Variants in TRRAP observed in about 807,000 individuals in gnomAD.
TRRAP encodes the protein transformation/transcription domain associated protein.
TRRAP carries 41 observed loss-of-function variants against 438.8 expected under a neutral mutation model. That is an observed-to-expected ratio of 0.09 (90% confidence interval 0.07 to 0.12). The LOEUF (loss-of-function observed/expected upper bound fraction) is 0.12. Among genes scored for constraint, TRRAP ranks in the 10% least tolerant of loss-of-function variants. The probability of loss-of-function intolerance (pLI) is 1.00; values close to 1 mark genes in which losing one functional copy is unlikely to be tolerated. For synonymous variants in TRRAP, 1,994 were observed against 1,962.9 expected (o/e 1.02, Z -0.42); for missense variants, 3,122 against 5,055.1 (o/e 0.62, Z 11.60).
At chr7:98,999,085 G>A (rs1165496176) in intron 67 of TRRAP, 15 of 1,218,734 alleles carry the variant, frequency 1.2e-5, no homozygotes, top group South Asian at 3.0e-5. Context: ...CTCTGCTTCC[G>A]CTGGCTCTTT....
intron 44 of TRRAP, among the ~76,000 whole-genome samples, chr7:98,958,985 T>A (rs1293138086): frequency 6.6e-6 from 1 of 152,152 alleles, no homozygotes; most frequent in Admixed American, 6.5e-5. Flanking sequence ...AAATAGTATA[T>A]CTTACAGTTC....
At position 98,961,334 on chromosome 7, in the gene TRRAP, T is replaced by C; in HGVS notation, c.6563T>C (p.Leu2188Pro). 1 of 1,614,222 alleles carries C rather than the reference T, an allele frequency of 6.2e-7. No homozygotes were observed. Among genetic ancestry groups the C allele is most frequent in the Non-Finnish European group, 8.5e-7 (1 of 1,180,036 alleles). ...LEVLSFLLTV[L>P]QSPAILSSFK... is the part of the protein sequence containing the mutation. ...GTGCTGAGCTTCCTGCTAACTGTCC[T>C]CCAGTCCCCAGCCATCCTCAGTAGC... is the stretch of plus-strand genomic sequence containing the variant. Residue 2188 changes from leucine to proline, a missense_variant, in exon 46 of 73, where the codon CTC (leucine) becomes CCC (proline). By Grantham distance (98) the Leu-to-Pro change is moderately conservative. This residue lies in a region of TRRAP where 992 missense variants were observed against 1,281.2 expected (regional missense o/e 0.77). Transcript: ENST00000456197.
At chr7:98,979,652 G>C (rs957757216) in intron 58 of TRRAP, among the ~76,000 whole-genome samples, 1 of 152,072 alleles carries the variant, frequency 6.6e-6, no homozygotes, top group African/African-American at 2.4e-5. Flanking sequence ...TCACCTTAAC[G>C]TTCCCTTCTT....
Position 98,976,474 on chromosome 7 carries a change from T to C in TRRAP, c.7960-9T>C, listed in dbSNP as rs762097600. The C allele has an allele frequency of 3.1e-6, 5 of 1,603,916 alleles. No individual in the cohort carries two copies. Among genetic ancestry groups the C allele is most frequent in the African/African-American group, 1.3e-5 (1 of 74,978 alleles). ...ATGAAGGCCTAAATGACATGTGCTT[T>C]GGTTTCAGGCACTCGCGGGTGAGAT... On this transcript the variant is annotated splice_polypyrimidine_tract_variant and intron_variant, in intron 54 of 72. Coordinates refer to ENST00000456197, the MANE Select transcript of TRRAP (RefSeq NM_001375524.1). This position sits in a 1 kb window ranked among gnomAD's most constrained non-coding sequence, Gnocchi z 4.6.
At chr7:98,922,196 C>G (rs560505075) in intron 21 of TRRAP, among the ~76,000 whole-genome samples, 1 of 152,250 alleles carries the variant, frequency 6.6e-6, no homozygotes, top group East Asian at 1.9e-4. Flanking sequence ...AGATGCCAGC[C>G]CATCCCGCCG....
intron 67 of TRRAP, among the ~76,000 whole-genome samples, chr7:99,002,963 C>T (rs1175039040): frequency 6.6e-6 from 1 of 152,186 alleles, no homozygotes; most frequent in Non-Finnish European, 1.5e-5. Context: ...TCCTATACCA[C>T]GGGTTAGAAA....
In TRRAP at chr7:99,011,400, C is replaced by T. The variant is rs763276038; in HGVS notation, c.11202C>T (p.Asp3734=). 6.2e-7 allele frequency: 1 copy of T among 1,614,266 alleles called. No homozygotes were observed. Among genetic ancestry groups the T allele is most frequent in the Non-Finnish European group, 8.5e-7 (1 of 1,180,046 alleles). ...FRFDINDATG[D]LDANRPVPFR... is the part of the protein sequence containing the mutation. Reference sequence around the variant, plus strand: ...TTGACATAAACGACGCGACTGGAGACCTGGATGCCAACCGTCCTGTCCCAT... The same window carrying T: ...TTGACATAAACGACGCGACTGGAGATCTGGATGCCAACCGTCCTGTCCCAT... The change falls in exon 72 of 73, where the codon GAC becomes GAT. Residue 3734 remains aspartate, a synonymous_variant. Coordinates refer to ENST00000456197, the MANE Select transcript of TRRAP (RefSeq NM_001375524.1). The surrounding 1 kb of genome is among the most constrained non-coding windows in gnomAD (Gnocchi z 7.1).
At chr7:98,964,865 G>A in intron 48 of TRRAP, 90 bp downstream of exon 48, 3 of 1,425,276 alleles carry the variant, frequency 2.1e-6, no homozygotes, top group Non-Finnish European at 2.8e-6. Context: ...ACTCTAAAGG[G>A]AATGTGCATT....
At chr7:98,934,771 A>G (rs1036413025) in intron 27 of TRRAP, among the ~76,000 whole-genome samples, 25 of 152,170 alleles carry the variant, frequency 1.6e-4, no homozygotes, top group Non-Finnish European at 3.5e-4. Flanking sequence ...ACCTGCACGC[A>G]TATATACACG....
chr7:98,994,374 A>C lies in TRRAP; in HGVS notation c.10048-213A>C, dbSNP rs181224232. Among the ~76,000 whole-genome samples the C allele has an allele frequency of 6.6e-6, 1 of 151,982 alleles. No homozygotes were observed. Among genetic ancestry groups the C allele is most frequent in the African/African-American group, 2.4e-5 (1 of 41,346 alleles). ...CGCTTTTTGAATGTTCAGGTCCCTT[A>C]CTCCCCAAGGTCAAAAGCGCCTGCT... On this transcript the variant is annotated intron_variant, in intron 66 of 72. Coordinates refer to ENST00000456197, the MANE Select transcript of TRRAP (RefSeq NM_001375524.1). This position sits in a 1 kb window ranked among gnomAD's most constrained non-coding sequence, Gnocchi z 4.8.
rs762474727 is a variant in TRRAP, at chr7:99,011,208, G to A, written c.11095G>A (p.Val3699Ile). The change falls in exon 71 of 73, where the codon GTC becomes ATC. Residue 3699 changes from valine (V) to isoleucine (I), a missense_variant. Physicochemically the swap from Val to Ile is conservative, Grantham distance 29. Coordinates refer to ENST00000456197, the MANE Select transcript of TRRAP (RefSeq NM_001375524.1). The surrounding 1 kb of genome is among the most constrained non-coding windows in gnomAD (Gnocchi z 7.1). ...QLALIGFAEF[V>I]LHLNRLNPEM... The stretch of plus-strand genomic sequence containing the variant: ...GGCTCTGATAGGCTTCGCGGAATTC[G>A]TCCTGCATTTAAATAGACTCAACCC... The A allele has an allele frequency of 2.1e-5, 34 of 1,613,984 alleles. No individual in the cohort carries two copies. The highest frequency in any genetic ancestry group is 4.5e-5 in the East Asian group (2 of 44,888).
chr7:98,998,413 A>G (rs1793770204), intron 67 of TRRAP: 1 of 153,250 alleles, frequency 6.5e-6, no homozygotes, highest in South Asian at 2.1e-4. Flanking sequence ...ATGTTCTTCC[A>G]TCTCTTCTAC....
In TRRAP at chr7:98,963,320, G is replaced by A. The variant is rs138901758; in HGVS notation, c.6829+893G>A. On this transcript the variant is annotated intron_variant, in intron 47 of 72. Transcript: ENST00000456197. ...TTCAGGCAGCAGCTGGGTGCGGAGA[G>A]TGAGGAGTGCTTCTGGGTCTTTTTT... Among the ~76,000 whole-genome samples the A allele has an allele frequency of 1.8e-4, 27 of 152,318 alleles. No homozygotes were observed. In the East Asian group the frequency reaches 5.0e-3, roughly 28 times the overall value.
Position 98,976,130 on chromosome 7 carries a change from G to A in TRRAP, c.7840-19G>A, listed in dbSNP as rs1215258461. ...CCCCAGCCCGTGGCCATCTCAGCCT[G>A]TTGTCTTTCTGTTCATAGACTGGAG... On this transcript the variant is annotated intron_variant, in intron 53 of 72. Coordinates refer to ENST00000456197, the MANE Select transcript of TRRAP (RefSeq NM_001375524.1). The surrounding 1 kb of genome is among the most constrained non-coding windows in gnomAD (Gnocchi z 4.6). 1 of 1,613,354 alleles carries A rather than the reference G, an allele frequency of 6.2e-7. No homozygotes were observed. The highest frequency in any genetic ancestry group is 1.3e-5 in the African/African-American group (1 of 75,046).
chr7:98,963,888 C>G (rs947573696), intron 47 of TRRAP, among the ~76,000 whole-genome samples: 2 of 151,904 alleles, frequency 1.3e-5, no homozygotes, highest in African/African-American at 4.8e-5. Context: ...TGAGACCAGC[C>G]TGGCCAACAT....
intron 20 of TRRAP, among the ~76,000 whole-genome samples, chr7:98,920,532 T>C (rs1454879682): frequency 6.6e-6 from 1 of 151,994 alleles, no homozygotes; most frequent in Non-Finnish European, 1.5e-5. Context: ...TTTTAGGACC[T>C]CTGATAATTC....
At chr7:98,974,922 C>G (rs932893517) in intron 53 of TRRAP, among the ~76,000 whole-genome samples, 2 of 152,174 alleles carry the variant, frequency 1.3e-5, no homozygotes, top group African/African-American at 4.8e-5. Context: ...GATTTCGACA[C>G]TTGGGGTTAG....
intron 67 of TRRAP, among the ~76,000 whole-genome samples, chr7:98,998,086 C>T (rs1046279789): frequency 1.3e-5 from 2 of 152,158 alleles, no homozygotes; most frequent in Admixed American, 6.5e-5. Flanking sequence ...ACATCAGGCT[C>T]TCAGTATAAT....
intron 31 of TRRAP, 55 bp from the exon 32 acceptor site, chr7:98,945,692 G>GT: frequency 6.3e-7 from 1 of 1,588,458 alleles, no homozygotes; most frequent in East Asian, 2.2e-5. Context: ...TATGTGGGAA[G>GT]TTTTTATGTA....
Sources: gnomAD v4.1 joint callset for allele counts (sites outside exome capture counted in the v4.1 genomes callset) on GRCh38, gnomAD v4.1.1 for gene constraint, gnomAD v4.1.1 regional missense constraint, Gnocchi (gnomAD v3.1) non-coding constraint, MANE v1.5 for transcripts, NCBI Gene and HGNC (gene_info 2026-07-23, HGNC 2026-07-21) for gene names.